Variants in RARB observed in about 807,000 individuals in gnomAD.
The protein encoded by RARB is HBV-activated protein.
In RARB, 17 loss-of-function variants were observed where a neutral mutation model predicts 51.9. That is an observed-to-expected ratio of 0.33 (90% CI 0.22 to 0.49). RARB has a LOEUF of 0.49. Ranked by LOEUF, RARB falls within the 20% of genes least tolerant of loss-of-function variation. The pLI is 0.99. For synonymous variants in RARB, 215 were observed against 195.4 expected, an observed-to-expected ratio of 1.10 and a Z score of -0.84; for missense variants, 369 against 550.8, an observed-to-expected ratio of 0.67 and a Z score of 3.30.
At chr3:25,470,267 C>A (rs1268726639) in intron 2 of RARB, among the ~76,000 whole-genome samples, 1 of 150,982 alleles carries the variant, frequency 6.6e-6, no homozygotes, top group African/African-American at 2.4e-5. Context: ...ATGCTGAGAG[C>A]AAGAAAAGAA....
intron 4 of RARB, among the ~76,000 whole-genome samples, chr3:25,143,459 A>T (rs569614858): frequency 6.6e-6 from 1 of 152,292 alleles, no homozygotes; most frequent in East Asian, 1.9e-4. Context: ...GGCCCACCCG[A>T]TCCAAAAGAT....
At chr3:25,429,193 C>G (rs1420108175) in intron 1 of RARB, among the ~76,000 whole-genome samples, 1 of 152,128 alleles carries the variant, frequency 6.6e-6, no homozygotes, top group African/African-American at 2.4e-5. Context: ...AGGGTGACCA[C>G]AAGACTTTAA....
At chr3:25,253,282 T>C (rs1156581668) in intron 5 of RARB, among the ~76,000 whole-genome samples, 1 of 152,116 alleles carries the variant, frequency 6.6e-6, no homozygotes, top group Non-Finnish European at 1.5e-5. Flanking sequence ...GAGGGCTGAG[T>C]TGTACATCCG....
At chr3:24,966,694 A>C (rs1348035288) in intron 2 of RARB, among the ~76,000 whole-genome samples, 1 of 151,872 alleles carries the variant, frequency 6.6e-6, no homozygotes, top group Non-Finnish European at 1.5e-5. Context: ...GCAGATGTTT[A>C]ACAGACCAGG....
At chr3:25,171,994 T>C (rs990359874) in intron 4 of RARB, among the ~76,000 whole-genome samples, 1 of 152,152 alleles carries the variant, frequency 6.6e-6, no homozygotes, top group Non-Finnish European at 1.5e-5. Flanking sequence ...AAACAAGTTG[T>C]AGTTTGAAAG....
intron 5 of RARB, among the ~76,000 whole-genome samples, chr3:25,277,379 T>G (rs1394874999): frequency 6.6e-6 from 1 of 152,138 alleles, no homozygotes; most frequent in East Asian, 1.9e-4. Flanking sequence ...AGTGAATCAC[T>G]ATTAAAATAA....
At chr3:25,502,782 A>T (rs17590510) in intron 3 of RARB, among the ~76,000 whole-genome samples, 8,041 of 152,274 alleles carry the variant, frequency 0.053, 265 homozygotes, top group Non-Finnish European at 0.078. Context: ...CCTGGTGGCC[A>T]TCCTCCAATC....
intron 4 of RARB, among the ~76,000 whole-genome samples, chr3:25,134,620 T>G (rs1349662393): frequency 6.6e-6 from 1 of 151,944 alleles, no homozygotes; most frequent in African/African-American, 2.4e-5. Flanking sequence ...ACTAAAATAT[T>G]TTTTAGTTCC....
At chr3:25,207,323 A>G (rs867402049) in intron 5 of RARB, among the ~76,000 whole-genome samples, 9 of 152,118 alleles carry the variant, frequency 5.9e-5, no homozygotes, top group Non-Finnish European at 1.2e-4. Flanking sequence ...CTTCTTATTC[A>G]CTTAACGTTC....
At chr3:24,857,825 C>T (rs924405149) in intron 1 of RARB, among the ~76,000 whole-genome samples, 8 of 152,122 alleles carry the variant, frequency 5.3e-5, no homozygotes, top group Non-Finnish European at 1.0e-4. Flanking sequence ...ACTTGGGAGG[C>T]TGAGATGGAA....
At chr3:25,567,059 C>A (rs537806460) in intron 3 of RARB, among the ~76,000 whole-genome samples, 1 of 152,224 alleles carries the variant, frequency 6.6e-6, no homozygotes, top group African/African-American at 2.4e-5. Flanking sequence ...GGTGTCATCT[C>A]AGCTTCAGAA....
At chr3:25,163,655 G>A (rs1272378407) in intron 4 of RARB, among the ~76,000 whole-genome samples, 1 of 151,792 alleles carries the variant, frequency 6.6e-6, no homozygotes, top group Non-Finnish European at 1.5e-5. Flanking sequence ...GGCCCTTGGT[G>A]GTCAATAAAG....
chr3:25,536,210 GAGATAA>G (rs1699135351), intron 3 of RARB, among the ~76,000 whole-genome samples: 2 of 152,140 alleles, frequency 1.3e-5, no homozygotes, highest in Admixed American at 1.3e-4. Flanking sequence ...TTAAGAACAA[GAGATAA>G]AGCCAAGAGT....
At chr3:25,457,614 C>T (rs892420129) in intron 1 of RARB, among the ~76,000 whole-genome samples, 3 of 152,158 alleles carry the variant, frequency 2.0e-5, no homozygotes, top group Admixed American at 6.5e-5. Context: ...GTAGACTTCC[C>T]GTTTTTTGTG....
intron 3 of RARB, among the ~76,000 whole-genome samples, chr3:25,069,785 A>G (rs1698732655): frequency 6.6e-6 from 1 of 152,212 alleles, no homozygotes; most frequent in South Asian, 2.1e-4. Flanking sequence ...CTTCAGTAGC[A>G]AATATTCACA....
chr3:25,110,568 A>G (rs1297462961), intron 3 of RARB, among the ~76,000 whole-genome samples: 2 of 152,348 alleles, frequency 1.3e-5, no homozygotes, highest in African/African-American at 2.4e-5. Flanking sequence ...ACGAAGTGCC[A>G]GTTCACCTAG....
chr3:25,509,670 A>G (rs1273905483), intron 3 of RARB, among the ~76,000 whole-genome samples: 1 of 152,074 alleles, frequency 6.6e-6, no homozygotes, highest in Non-Finnish European at 1.5e-5. Context: ...GTATCCTGGT[A>G]TCCTGGAACC....
At chr3:25,034,020 T>C (rs1697931884) in intron 2 of RARB, among the ~76,000 whole-genome samples, 1 of 152,220 alleles carries the variant, frequency 6.6e-6, no homozygotes, top group South Asian at 2.1e-4. Flanking sequence ...CCGTAGGATC[T>C]AGTCACTCTT....
intron 2 of RARB, among the ~76,000 whole-genome samples, chr3:25,000,615 A>C (rs1697139753): frequency 6.6e-6 from 1 of 152,120 alleles, no homozygotes; most frequent in African/African-American, 2.4e-5. Flanking sequence ...TCTAAGAAAA[A>C]TCTGTTGAGT....
Sources: allele counts gnomAD v4.1 joint callset (sites outside exome capture counted in the v4.1 genomes callset), GRCh38; gene constraint gnomAD v4.1.1; transcripts MANE v1.5; gene names NCBI Gene and HGNC (gene_info 2026-07-23, HGNC 2026-07-21).